The following FH variants were observed in gnomAD, a reference collection of about 807,000 sequenced individuals.
FH encodes the protein fumarate hydratase.
In FH, 22 loss-of-function variants were observed where a neutral mutation model predicts 49.4. The observed-to-expected ratio is 0.45, with a 90% CI of 0.32 to 0.64. The LOEUF is 0.64. Ranked by LOEUF, FH falls within the 30% of genes least tolerant of loss-of-function variation. FH has a pLI of 0.05. For missense variants in FH, 526 were observed against 641.5 expected, an observed-to-expected ratio of 0.82 and a Z score of 1.95; for synonymous variants, 208 against 223.0, an observed-to-expected ratio of 0.93 and a Z score of 0.60.
At chr1:241,512,504 T>A (rs1660114273) in intron 3 of FH, among the ~76,000 whole-genome samples, 1 of 152,158 alleles carries the variant, frequency 6.6e-6, no homozygotes, top group African/African-American at 2.4e-5. Flanking sequence ...GCTAGTAACT[T>A]GAAAATGTGA....
In FH at chr1:241,503,780, C is replaced by T. The variant is rs756858387; in HGVS notation, c.1108+262G>A. Among the ~76,000 whole-genome samples, 5 of 152,232 alleles carry T rather than the reference C, an allele frequency of 3.3e-5. 1 individual carries two copies. The highest frequency in any genetic ancestry group is 6.5e-5 in the Admixed American group (1 of 15,280). ...TGGTATGACTTCTTTTTATTCAACC[C>T]GCGCTGATCACTTTAACAGCCTGCT... On this transcript the variant is annotated intron_variant, in intron 7 of 9. Coordinates refer to ENST00000366560, the MANE Select transcript of FH (RefSeq NM_000143.4).
chr1:241,505,404 T>A (rs1659903584), intron 6 of FH, among the ~76,000 whole-genome samples: 1 of 152,206 alleles, frequency 6.6e-6, no homozygotes, highest in African/African-American at 2.4e-5. Context: ...TCTATTAAAA[T>A]ATGGTTTAAA....
chr1:241,504,742 G>A (rs1343397120), intron 6 of FH, among the ~76,000 whole-genome samples: 1 of 151,998 alleles, frequency 6.6e-6, no homozygotes, highest in Non-Finnish European at 1.5e-5. Flanking sequence ...ACTGTGCTTA[G>A]CCAGGCACTA....
In FH at chr1:241,513,668, C is replaced by G; in HGVS notation, c.313G>C (p.Glu105Gln). ...AFGILKRAAAEVNQDYGLDPK... is the reference protein window; with the variant it reads ...AFGILKRAAAQVNQDYGLDPK... ...TCAAGACCATAATCCTGGTTTACTTCAGCGGCCGCTCGCTTCAAGATGCCA... is the reference window on the plus strand; with the variant it reads ...TCAAGACCATAATCCTGGTTTACTTGAGCGGCCGCTCGCTTCAAGATGCCA... The change falls in exon 3 of 10, where the codon GAA (glutamate) becomes CAA (glutamine). Residue 105 changes from glutamate (E) to glutamine (Q), a missense_variant. Transcript: ENST00000366560. The G allele has an allele frequency of 1.2e-6, 2 of 1,614,102 alleles. No individual in the cohort carries two copies. Among genetic ancestry groups the G allele is most frequent in the Non-Finnish European group, 1.7e-6 (2 of 1,179,980 alleles).
At chr1:241,506,744 G>A (rs1275504573) in intron 5 of FH, among the ~76,000 whole-genome samples, 1 of 152,170 alleles carries the variant, frequency 6.6e-6, no homozygotes, top group Non-Finnish European at 1.5e-5. Flanking sequence ...AAAAAGAATA[G>A]GAGGTAACGG....
At chr1:241,502,712 C>T (rs1319205933) in intron 7 of FH, 142 bp from the exon 8 acceptor site, 1 of 1,018,606 alleles carries the variant, frequency 9.8e-7, no homozygotes, top group African/African-American at 1.6e-5. Context: ...TGAAACAAAC[C>T]AACCAAGGAA....
At chr1:241,517,507 T>C (rs562762474) in intron 1 of FH, among the ~76,000 whole-genome samples, 191 bp from the exon 2 acceptor site, 10 of 152,340 alleles carry the variant, frequency 6.6e-5, no homozygotes, top group African/African-American at 2.2e-4. Context: ...CACAAACTTA[T>C]TAATTCAGGC....
At chr1:241,505,858 G>C (rs1659915565) in intron 6 of FH, 145 bp downstream of exon 6, 1 of 808,942 alleles carries the variant, frequency 1.2e-6, no homozygotes, top group Non-Finnish European at 2.0e-6. Context: ...TATAACTTCA[G>C]AAATATACTT....
intron 9 of FH, among the ~76,000 whole-genome samples, chr1:241,498,815 C>T (rs1286824172): frequency 7.3e-6 from 1 of 137,760 alleles, no homozygotes; most frequent in Non-Finnish European, 1.6e-5. Flanking sequence ...GAAATATGAC[C>T]AAAAGGAAGA....
In FH at chr1:241,516,462, C is replaced by A. The variant is rs1344576649; in HGVS notation, c.267+720G>T. Among the ~76,000 whole-genome samples the A allele has an allele frequency of 6.6e-5, 10 of 152,110 alleles. No individual in the cohort carries two copies. The East Asian group carries it at 1.7e-3, about 26-fold the overall frequency. On this transcript the variant is annotated intron_variant, in intron 2 of 9. Coordinates refer to ENST00000366560, the MANE Select transcript of FH (RefSeq NM_000143.4). ...GTAAGTGGGAGCTGAACAATGAGAA[C>A]ATATGGACACAAGGAGGGGAACAAA...
Position 241,507,074 on chromosome 1 carries a change from T to C in FH, c.739-906A>G, listed in dbSNP as rs74466884. Among the ~76,000 whole-genome samples the C allele has an allele frequency of 3.9e-3, 587 of 152,302 alleles. 6 individuals carry two copies. The highest frequency in any genetic ancestry group is 0.03 in the East Asian group (154 of 5,186). On this transcript the variant is annotated intron_variant, in intron 5 of 9. Transcript: ENST00000366560. ...TGCATCTGATATAACATCACTCATA[T>C]ACAGTCACGCACCACATAATGATGT...
chr1:241,518,330 G>A (rs982126800), intron 1 of FH, among the ~76,000 whole-genome samples: 2 of 152,168 alleles, frequency 1.3e-5, no homozygotes, highest in Admixed American at 1.3e-4. Context: ...GCATCAACAG[G>A]ATAGATTCAG....
In FH at chr1:241,508,649, A is replaced by G. The variant is rs1335587342; in HGVS notation, c.692T>C (p.Ile231Thr). 3.7e-6 allele frequency: 6 copies of G among 1,613,924 alleles called. No homozygotes were observed. The highest frequency in any genetic ancestry group is 5.1e-6 in the Non-Finnish European group (6 of 1,179,846). ...KSKEFAQIIK[I>T]GRTHTQDAVP... ...AGCATCCTGAGTATGAGTACGTCCA[A>G]TCTTGATGATCTGTGCAAACTCTTT... The change falls in exon 5 of 10, where the codon ATT (isoleucine) becomes ACT (threonine). Residue 231 changes from isoleucine (I) to threonine (T), a missense_variant. This residue lies in a region of FH where 383 missense variants were observed against 514.0 expected (regional missense o/e 0.75). Coordinates refer to ENST00000366560, the MANE Select transcript of FH (RefSeq NM_000143.4).
rs200542051 is a variant in FH at position 241,519,690 on chromosome 1, C to A, written c.33G>T (p.Ser11=). The A allele has an allele frequency of 6.5e-7, 1 of 1,546,912 alleles. No individual in the cohort carries two copies. Among genetic ancestry groups the A allele is most frequent in the South Asian group, 1.2e-5 (1 of 83,768 alleles). MYRALRLLAR[S]RPLVRAPAAA... is the part of the protein sequence containing the mutation. Reference sequence around the variant, plus strand: ...CGGCTGGAGCCCGCACGAGGGGACGCGAGCGCGCGAGGAGCCGAAGTGCTC... The same window carrying A: ...CGGCTGGAGCCCGCACGAGGGGACGAGAGCGCGCGAGGAGCCGAAGTGCTC... Residue 11 remains serine, a synonymous_variant, in exon 1 of 10, where the codon TCG becomes TCT. Coordinates refer to ENST00000366560, the MANE Select transcript of FH (RefSeq NM_000143.4).
intron 5 of FH, among the ~76,000 whole-genome samples, chr1:241,507,481 G>A (rs1259691865): frequency 6.6e-6 from 1 of 151,866 alleles, no homozygotes; most frequent in Non-Finnish European, 1.5e-5. Flanking sequence ...CACTTTGACA[G>A]GGAACAATGC....
At chr1:241,515,657 TAAAC>T in intron 2 of FH, among the ~76,000 whole-genome samples, 1 of 152,246 alleles carries the variant, frequency 6.6e-6, no homozygotes. Flanking sequence ...AGATAAGTGT[TAAAC>T]AATATCTCAC....
In FH at chr1:241,500,597, G is replaced by A. The variant is rs376260223; in HGVS notation, c.1237-7C>T. ...AGTGTAACACATTTTTAATCTTTGA[G>A]TGAGTGAGAGAGAGAGAGAGAGAGA... On this transcript the variant is annotated splice_region_variant and splice_polypyrimidine_tract_variant and intron_variant, in intron 8 of 9. Transcript: ENST00000366560. 3.2e-5 allele frequency: 51 copies of A among 1,586,462 alleles called. 1 individual carries two copies. In the African/African-American group the frequency reaches 6.4e-4, roughly 20 times the overall value.
rs1660089051 is a variant in FH at position 241,511,736 on chromosome 1, G to C, written c.555+231C>G. On this transcript the variant is annotated intron_variant, in intron 4 of 9. Transcript: ENST00000366560. Reference sequence around the variant, plus strand: ...ATAAATCTAAAATTATTTCAAAATAGAGTTTTAAACAATAAAAAAATACAT... The same window carrying C: ...ATAAATCTAAAATTATTTCAAAATACAGTTTTAAACAATAAAAAAATACAT... 29 of 496,142 alleles carry C rather than the reference G, an allele frequency of 5.8e-5. No individual in the cohort carries two copies. The South Asian group carries it at 7.9e-4, about 13-fold the overall frequency. 30.7% of individuals were successfully genotyped at this position (496,142 alleles called of 1,614,324 possible). A position where few individuals can be genotyped will look rare whatever the true frequency, so the allele number is the denominator to read the frequency against.
chr1:241,511,905 AG>A, intron 4 of FH, 61 bp downstream of exon 4: 1 of 1,508,820 alleles, frequency 6.6e-7, no homozygotes, highest in Non-Finnish European at 9.2e-7. Context: ...TTGTTTTACA[AG>A]AACAATCTCA....
Sources: allele counts gnomAD v4.1 joint callset (sites outside exome capture counted in the v4.1 genomes callset), GRCh38; gene constraint gnomAD v4.1.1; regional missense constraint gnomAD v4.1.1; transcripts MANE v1.5; gene names NCBI Gene and HGNC (gene_info 2026-07-23, HGNC 2026-07-21).